The following CPLX1 variants were observed in gnomAD, a reference collection of about 807,000 sequenced individuals.
CPLX1 encodes complexin 1.
CPLX1 carries 6 observed loss-of-function variants against 15.6 expected under a neutral mutation model. That is an observed-to-expected ratio of 0.39 (90% CI 0.21 to 0.76). The LOEUF (loss-of-function observed/expected upper bound fraction) is 0.76. CPLX1 is among the 30% of genes least tolerant of loss of function. The pLI, the probability that CPLX1 is intolerant of heterozygous loss-of-function variation, is 0.43. For synonymous variants in CPLX1, 91 were observed against 75.2 expected (o/e 1.21, Z -1.08); for missense variants, 242 against 188.6 (o/e 1.28, Z -1.66).
Position 786,674 on chromosome 4 carries a change from G to A in CPLX1, c.232C>T (p.Arg78Cys). Residue 78 changes from arginine (R) to cysteine (C), a missense_variant, in exon 4 of 4, where the codon CGC becomes TGC. Transcript: ENST00000304062. ...DKYGIKKKEE[R>C]EAEAQAAMEA... is the part of the protein sequence containing the mutation. ...ATGGCGGCCTGGGCCTCGGCCTCGC[G>A]CTCCTCCTTCTTCTTGATGCCGTAC... 6.2e-7 allele frequency: 1 copy of A among 1,609,488 alleles called. No homozygotes were observed. Among genetic ancestry groups the A allele is most frequent in the Non-Finnish European group, 8.5e-7 (1 of 1,178,002 alleles).
At chr4:823,962 C>T (rs987903729) in intron 2 of CPLX1, among the ~76,000 whole-genome samples, 1 of 152,236 alleles carries the variant, frequency 6.6e-6, no homozygotes, top group Non-Finnish European at 1.5e-5. Context: ...ACCAGCAAGC[C>T]CTGGTCCCTG....
intron 2 of CPLX1, among the ~76,000 whole-genome samples, chr4:793,135 C>A (rs1266013063): frequency 2.0e-5 from 3 of 152,176 alleles, no homozygotes; most frequent in African/African-American, 7.2e-5. Flanking sequence ...GAAGCGTCTT[C>A]TCTGGTCATG....
chr4:785,361 G>T lies in CPLX1; in HGVS notation c.*1140C>A, dbSNP rs1303722069. 6.6e-6 allele frequency: 1 copy of T among 152,510 alleles called. No homozygotes were observed. Among genetic ancestry groups the T allele is most frequent in the Non-Finnish European group, 1.5e-5 (1 of 68,030 alleles). 9.4% of individuals were successfully genotyped at this position (152,510 alleles called of 1,614,324 possible). A position where few individuals can be genotyped will look rare whatever the true frequency, so the allele number is the denominator to read the frequency against. On this transcript the variant is annotated 3_prime_UTR_variant, in exon 4 of 4. Coordinates refer to ENST00000304062, the MANE Select transcript of CPLX1 (RefSeq NM_006651.4). The stretch of plus-strand genomic sequence containing the variant: ...TATGGCTTCTCTAAAGCTATGTAAG[G>T]TCATGAAGGTCAATGCCAAGCCACG...
At position 786,316 on chromosome 4, in the gene CPLX1, T is replaced by TG. The variant is rs1041515841; in HGVS notation, c.*184dup. On this transcript the variant is annotated 3_prime_UTR_variant, in exon 4 of 4. Transcript: ENST00000304062. The stretch of plus-strand genomic sequence containing the variant: ...GCGGGCAGAGGAGCACGGGGCGGAC[T>TG]GGGGGGGTCCTGGGGGCGCGCGCCC... 6.9e-5 allele frequency: 34 copies of TG among 491,950 alleles called. 1 individual carries two copies. Among genetic ancestry groups the TG allele is most frequent in the Admixed American group, 1.2e-4 (3 of 24,900 alleles). The allele number at this position is 491,950 out of a possible 1,614,324, so 30.5% of individuals were successfully genotyped here.
At chr4:812,537 G>C (rs112895934) in intron 2 of CPLX1, among the ~76,000 whole-genome samples, 2,005 of 152,292 alleles carry the variant, frequency 0.013, 49 homozygotes, top group African/African-American at 0.044. Context: ...AATAAAAAGG[G>C]TATGGGCTTG....
In CPLX1 at chr4:786,401, T is replaced by G. The variant is rs1745989242; in HGVS notation, c.*100A>C. 6 of 1,337,238 alleles carry G rather than the reference T, an allele frequency of 4.5e-6. No homozygotes were observed. Among genetic ancestry groups the G allele is most frequent in the Non-Finnish European group, 6.0e-6 (6 of 1,007,508 alleles). 82.8% of individuals were successfully genotyped at this position (1,337,238 alleles called of 1,614,324 possible). The stretch of plus-strand genomic sequence containing the variant: ...GGCGGGCCTGGGGCTATGGCTTATA[T>G]CGGCGTGGGGGCTGCGCTCTGCTCG... On this transcript the variant is annotated 3_prime_UTR_variant, in exon 4 of 4. Transcript: ENST00000304062.
At chr4:813,262 C>G (rs1432236610) in intron 2 of CPLX1, among the ~76,000 whole-genome samples, 1 of 109,672 alleles carries the variant, frequency 9.1e-6, no homozygotes, top group African/African-American at 3.7e-5. Flanking sequence ...TAGACTCTGT[C>G]TCAAAAAAAA....
chr4:808,630 C>T (rs761285797), intron 2 of CPLX1, among the ~76,000 whole-genome samples: 23 of 152,188 alleles, frequency 1.5e-4, no homozygotes, highest in Non-Finnish European at 3.1e-4. Flanking sequence ...ATAAAACAGG[C>T]ATCAGGCAGC....
chr4:823,617 G>A (rs903402534), intron 2 of CPLX1, among the ~76,000 whole-genome samples: 1 of 152,216 alleles, frequency 6.6e-6, no homozygotes, highest in African/African-American at 2.4e-5. Context: ...GGTGCTGGGG[G>A]AACACAGGAT....
chr4:809,817 C>A (rs147116574), intron 2 of CPLX1, among the ~76,000 whole-genome samples: 124 of 148,382 alleles, frequency 8.4e-4, no homozygotes, highest in African/African-American at 3.0e-3. Flanking sequence ...TGGGCTTTCT[C>A]TAGAACTTTA....
intron 2 of CPLX1, among the ~76,000 whole-genome samples, chr4:809,343 C>T (rs527938694): frequency 8.5e-5 from 13 of 152,218 alleles, no homozygotes; most frequent in African/African-American, 2.4e-4. Flanking sequence ...TCTCATTCTC[C>T]CCCAGAAAGG....
chr4:788,021 T>C, intron 3 of CPLX1: 1 of 985,378 alleles, frequency 1.0e-6, no homozygotes, highest in Non-Finnish European at 1.2e-6. Context: ...CGTCAGCAGC[T>C]GCGTCCAGGA....
intron 2 of CPLX1, among the ~76,000 whole-genome samples, chr4:822,769 A>G (rs890446226): frequency 6.6e-5 from 10 of 152,158 alleles, no homozygotes; most frequent in Admixed American, 1.3e-4. Flanking sequence ...GACAGCAACA[A>G]TGAGGCTCGC....
At chr4:824,417 C>A in intron 2 of CPLX1, 75 bp downstream of exon 2, 1 of 1,355,980 alleles carries the variant, frequency 7.4e-7, no homozygotes, top group Middle Eastern at 1.9e-4. Context: ...TGCGGTGGGC[C>A]AGATGAGGAG....
intron 2 of CPLX1, among the ~76,000 whole-genome samples, chr4:800,889 C>A (rs1243903187): frequency 2.0e-5 from 3 of 151,270 alleles, no homozygotes; most frequent in South Asian, 2.1e-4. Flanking sequence ...TGGTGACGGG[C>A]ACCCGTAATC....
intron 2 of CPLX1, among the ~76,000 whole-genome samples, chr4:821,632 A>G (rs775259337): frequency 5.3e-5 from 8 of 152,264 alleles, no homozygotes; most frequent in Middle Eastern, 3.4e-3. Flanking sequence ...TGAGGAAACC[A>G]GTTTCTTTAA....
chr4:792,708 C>G (rs1328641009), intron 2 of CPLX1, 100 bp from the exon 3 acceptor site: 1 of 1,341,624 alleles, frequency 7.5e-7, no homozygotes, highest in African/African-American at 1.5e-5. Flanking sequence ...ACCCCCCAAA[C>G]CCTCCATCCA....
chr4:819,943 C>T (rs573357399), intron 2 of CPLX1, among the ~76,000 whole-genome samples: 6 of 152,352 alleles, frequency 3.9e-5, no homozygotes, highest in South Asian at 2.1e-4. Flanking sequence ...CCAGTAGCAT[C>T]GCTGAGCAGC....
chr4:815,371 A>G (rs1746732492), intron 2 of CPLX1, among the ~76,000 whole-genome samples: 1 of 138,362 alleles, frequency 7.2e-6, no homozygotes, highest in African/African-American at 2.7e-5. Context: ...AGATTGTGCC[A>G]CCGCACTCCA....
Sources: gnomAD v4.1 joint callset for allele counts (sites outside exome capture counted in the v4.1 genomes callset) on GRCh38, gnomAD v4.1.1 for gene constraint, MANE v1.5 for transcripts, NCBI Gene and HGNC (gene_info 2026-07-23, HGNC 2026-07-21) for gene names.